The following AQR variants were observed in gnomAD, a reference collection of about 807,000 sequenced individuals.
AQR encodes the protein aquarius intron-binding spliceosomal factor, also known as RNA helicase aquarius.
Under a neutral mutation model 180.5 loss-of-function variants are expected in AQR, and 61 were observed. The ratio of observed to expected loss-of-function variants is 0.34; its 90% confidence interval spans 0.28 to 0.42. The LOEUF (loss-of-function observed/expected upper bound fraction) is 0.42. AQR is among the 10% of genes least tolerant of loss of function. AQR has a pLI of 1.00. For missense variants in AQR, 1,281 were observed against 1,798.3 expected (o/e 0.71, Z 5.20); for synonymous variants, 551 against 588.8 (o/e 0.94, Z 0.93).
At chr15:34,886,760 GA>G in intron 24 of AQR, 99 bp from the exon 25 acceptor site, 15 of 1,178,700 alleles carry the variant, frequency 1.3e-5, no homozygotes, top group African/African-American at 4.7e-5. Flanking sequence ...CAAAGAAGAG[GA>G]AAAAAAACTA....
chr15:34,858,912 G>A (rs1280354046), intron 34 of AQR, among the ~76,000 whole-genome samples: 3 of 152,108 alleles, frequency 2.0e-5, no homozygotes, highest in Non-Finnish European at 4.4e-5. Context: ...AGTCCTACCT[G>A]TATCATATAA....
At chr15:34,941,452 T>C (rs895414144) in intron 7 of AQR, among the ~76,000 whole-genome samples, 3 of 152,216 alleles carry the variant, frequency 2.0e-5, no homozygotes, top group African/African-American at 7.2e-5. Flanking sequence ...GTGCCTTATG[T>C]TTTCATCCCC....
chr15:34,963,650 A>T (rs1595367841), intron 2 of AQR, among the ~76,000 whole-genome samples: 1 of 143,826 alleles, frequency 7.0e-6, no homozygotes, highest in East Asian at 2.1e-4. Flanking sequence ...TAAGTAAATT[A>T]TACACGTACA....
chr15:34,915,005 T>A, intron 16 of AQR, 33 bp downstream of exon 16: 1 of 1,569,148 alleles, frequency 6.4e-7, no homozygotes, highest in South Asian at 1.2e-5. Flanking sequence ...ACTGTTTGCA[T>A]CTCTTCATTA....
Position 34,854,074 on chromosome 15 carries a change from A to T in AQR, c.*2718T>A, listed in dbSNP as rs1177449998. ...ACTTTGGGAGTCTTGATGATGTTTA[A>T]ATCTTCTCATTCATTTGCCTAAATC... On this transcript the variant is annotated 3_prime_UTR_variant, in exon 35 of 35. Transcript: ENST00000156471. 1 of 151,950 alleles carries T rather than the reference A, an allele frequency of 6.6e-6. No homozygotes were observed. Among genetic ancestry groups the T allele is most frequent in the Non-Finnish European group, 1.5e-5 (1 of 67,974 alleles). 9.4% of individuals were successfully genotyped at this position (151,950 alleles called of 1,614,324 possible).
At chr15:34,919,536 T>G (rs1383847112) in intron 14 of AQR, among the ~76,000 whole-genome samples, 1 of 152,172 alleles carries the variant, frequency 6.6e-6, no homozygotes, top group Non-Finnish European at 1.5e-5. Flanking sequence ...AGGAATAAAA[T>G]TCTAGCCACA....
rs746256626 is a variant in AQR, at chr15:34,944,393, A to C, written c.366T>G (p.Phe122Leu). 1.2e-6 allele frequency: 2 copies of C among 1,607,656 alleles called. No homozygotes were observed. Among genetic ancestry groups the C allele is most frequent in the Non-Finnish European group, 1.7e-6 (2 of 1,177,826 alleles). Residue 122 changes from phenylalanine (F) to leucine (L), a missense_variant, in exon 6 of 35, where the codon TTT (phenylalanine) becomes TTG (leucine). By Grantham distance (22) the Phe-to-Leu change is conservative (BLOSUM62 0). Transcript: ENST00000156471. Reference sequence around the variant, plus strand: ...ATGCCGCCTTCAAGATGTGTTTAAAAAAGAATGGGAAGTGGTCTGGCTTCT... The same window carrying C: ...ATGCCGCCTTCAAGATGTGTTTAAACAAGAATGGGAAGTGGTCTGGCTTCT... Reference protein sequence around the residue: ...FKKKPDHFPFFFKHILKAALA... With the variant: ...FKKKPDHFPFLFKHILKAALA...
chr15:34,886,768 A>C (rs963613388), intron 24 of AQR, 107 bp from the exon 25 acceptor site: 1 of 1,158,678 alleles, frequency 8.6e-7, no homozygotes. Context: ...AGGAAAAAAA[A>C]CTAGAAGATA....
chr15:34,965,665 C>T (rs2050306773), intron 1 of AQR, among the ~76,000 whole-genome samples: 1 of 152,034 alleles, frequency 6.6e-6, no homozygotes, highest in African/African-American at 2.4e-5. Context: ...AGCAAGACTC[C>T]GTCTCTAAAA....
intron 3 of AQR, among the ~76,000 whole-genome samples, chr15:34,954,442 A>C (rs1894278009): frequency 6.6e-6 from 1 of 152,102 alleles, no homozygotes; most frequent in Non-Finnish European, 1.5e-5. Flanking sequence ...AGTAGCTGAG[A>C]CTACAGGCAT....
chr15:34,904,123 C>G (rs537635057), intron 19 of AQR, among the ~76,000 whole-genome samples: 12 of 151,722 alleles, frequency 7.9e-5, no homozygotes, highest in Non-Finnish European at 1.5e-4. Context: ...TTAAACTCCT[C>G]AAAAGACAAA....
At chr15:34,886,726 C>A (rs1312282556) in intron 24 of AQR, 65 bp from the exon 25 acceptor site, 23 of 1,467,396 alleles carry the variant, frequency 1.6e-5, no homozygotes, top group Admixed American at 7.2e-5. Context: ...AAACAATCAG[C>A]AAAATTCAAG....
At chr15:34,916,047 A>G (rs1205723684) in intron 15 of AQR, among the ~76,000 whole-genome samples, 1 of 152,210 alleles carries the variant, frequency 6.6e-6, no homozygotes, top group Non-Finnish European at 1.5e-5. Flanking sequence ...GTACTCCTTC[A>G]AAGTATTTAA....
intron 9 of AQR, among the ~76,000 whole-genome samples, chr15:34,936,082 A>G (rs1053934668): frequency 6.6e-6 from 1 of 152,166 alleles, no homozygotes; most frequent in Non-Finnish European, 1.5e-5. Context: ...CATGTTGCCT[A>G]AGGTAGAAAC....
At chr15:34,879,763 C>T (rs564582931) in intron 27 of AQR, among the ~76,000 whole-genome samples, 6 of 152,084 alleles carry the variant, frequency 3.9e-5, no homozygotes, top group Non-Finnish European at 8.8e-5. Context: ...TCTCTCTCAC[C>T]CCCAATAGAC....
Position 34,862,987 on chromosome 15 carries a change from G to A in AQR, c.3909C>T (p.Ile1303=). Residue 1303 remains isoleucine, a synonymous_variant, in exon 33 of 35, where the codon ATC becomes ATT. Transcript: ENST00000156471. ...AMSRARLGLY[I]FARVSLFQNC... Reference sequence around the variant, plus strand: ...TTTGGAAGAGGGATACTCTGGCGAAGATATAAAGTCCAAGTCTGGCTCTAG... The same window carrying A: ...TTTGGAAGAGGGATACTCTGGCGAAAATATAAAGTCCAAGTCTGGCTCTAG... The A allele has an allele frequency of 6.2e-7, 1 of 1,613,796 alleles. No homozygotes were observed. Among genetic ancestry groups the A allele is most frequent in the Non-Finnish European group, 8.5e-7 (1 of 1,179,832 alleles).
chr15:34,880,398 C>T (rs752651688), intron 27 of AQR, among the ~76,000 whole-genome samples: 1 of 152,076 alleles, frequency 6.6e-6, no homozygotes, highest in Non-Finnish European at 1.5e-5. Flanking sequence ...GCAATGTGAA[C>T]TGAAATAGGT....
intron 30 of AQR, 67 bp downstream of exon 30, chr15:34,873,761 C>A (rs1355383528): frequency 4.5e-6 from 6 of 1,330,682 alleles, no homozygotes; most frequent in Non-Finnish European, 6.0e-6. Flanking sequence ...GGTTAAGTAT[C>A]ACTGATTTAG....
intron 29 of AQR, 86 bp downstream of exon 29, chr15:34,874,591 A>G (rs1892866053): frequency 6.6e-7 from 1 of 1,506,206 alleles, no homozygotes; most frequent in Non-Finnish European, 9.1e-7. Context: ...GAATGCTAAT[A>G]GTCTACACAA....
Sources: allele counts gnomAD v4.1 joint callset (sites outside exome capture counted in the v4.1 genomes callset), GRCh38; gene constraint gnomAD v4.1.1; transcripts MANE v1.5; gene names NCBI Gene and HGNC (gene_info 2026-07-23, HGNC 2026-07-21).